ARHGAP28: variants seen among roughly 807,000 people sequenced by gnomAD.
ARHGAP28 encodes the protein Rho GTPase activating protein 28.
A neutral mutation model predicts 90.7 loss-of-function variants in ARHGAP28; 56 were observed. The ratio of observed to expected loss-of-function variants is 0.62; its 90% CI spans 0.50 to 0.77. The LOEUF is 0.77. Ranked by LOEUF, ARHGAP28 falls within the 30% of genes least tolerant of loss-of-function variation. ARHGAP28 has a pLI of 0.00. For missense variants in ARHGAP28, 869 were observed against 900.9 expected, an observed-to-expected ratio of 0.96 and a Z score of 0.45; for synonymous variants, 308 against 323.3, an observed-to-expected ratio of 0.95 and a Z score of 0.51.
At chr18:6,816,376 C>A (rs1189409544) in intron 1 of ARHGAP28, among the ~76,000 whole-genome samples, 2 of 152,162 alleles carry the variant, frequency 1.3e-5, no homozygotes, top group African/African-American at 4.8e-5. Flanking sequence ...TCTGAACGGC[C>A]TTCTGAGGAA....
intron 1 of ARHGAP28, among the ~76,000 whole-genome samples, chr18:6,740,327 T>G (rs946221390): frequency 6.6e-6 from 1 of 152,210 alleles, no homozygotes; most frequent in Non-Finnish European, 1.5e-5. Flanking sequence ...AGTTCTGTTC[T>G]AAATCGTGCT....
At chr18:6,868,076 TAAGTC>T in intron 5 of ARHGAP28, 69 bp from the exon 6 acceptor site, 4 of 1,263,206 alleles carry the variant, frequency 3.2e-6, no homozygotes, top group South Asian at 1.2e-5. Context: ...CTGCAGAACA[TAAGTC>T]AGGCTGAAAT....
In ARHGAP28 at chr18:6,912,152, T is replaced by C; in HGVS notation, c.2188T>C (p.Ter730GlnextTer28). 1 of 1,565,024 alleles carries C rather than the reference T, an allele frequency of 6.4e-7. No homozygotes were observed. The highest frequency in any genetic ancestry group is 8.8e-7 in the Non-Finnish European group (1 of 1,139,290). ...GGTGATTAAACCCCAACAAAGTTCT[T>C]AAAATATCCTCGAGAGAGCTGCTAT... ...EWVIKPQQSS* is the reference protein window; with the variant it reads ...EWVIKPQQSSQ The change falls in exon 18 of 18, where the codon TAA (stop) becomes CAA (glutamine). Residue 730 changes from the stop codon to glutamine (Q), a stop_lost. Transcript: ENST00000383472.
In ARHGAP28 at chr18:6,912,116, C is replaced by G. The variant is rs1304589949; in HGVS notation, c.2152C>G (p.Gln718Glu). ...YILDVYRINP[Q>E]AEWVIKPQQS... ...ATTGGATGTATATCGTATAAATCCT[C>G]AAGCAGAATGGGTGATTAAACCCCA... is the stretch of plus-strand genomic sequence containing the variant. Residue 718 changes from glutamine (Q) to glutamate (E), a missense_variant, in exon 18 of 18, where the codon CAA (glutamine) becomes GAA (glutamate). Coordinates refer to ENST00000383472, the MANE Select transcript of ARHGAP28 (RefSeq NM_001366230.1). 2 of 1,608,816 alleles carry G rather than the reference C, an allele frequency of 1.2e-6. No individual in the cohort carries two copies. The highest frequency in any genetic ancestry group is 2.7e-5 in the African/African-American group (2 of 74,796).
rs767966205 is a variant in ARHGAP28 at position 6,873,653 on chromosome 18, T to C, written c.1121-31T>C. The C allele has an allele frequency of 4.4e-6, 7 of 1,607,846 alleles. No individual in the cohort carries two copies. The Admixed American group carries it at 6.8e-5, about 16-fold the overall frequency. ...AGATAATGCTTTTCTAATTCTTTTT[T>C]TTTTTCCCCCTTTACTGTCTCACAA... On this transcript the variant is annotated intron_variant, in intron 8 of 17. Coordinates refer to ENST00000383472, the MANE Select transcript of ARHGAP28 (RefSeq NM_001366230.1).
At chr18:6,783,377 C>T (rs958876163) in intron 1 of ARHGAP28, among the ~76,000 whole-genome samples, 8 of 151,692 alleles carry the variant, frequency 5.3e-5, no homozygotes, top group African/African-American at 1.9e-4. Context: ...TCTCAGCTCA[C>T]TGCAACCTCT....
intron 3 of ARHGAP28, among the ~76,000 whole-genome samples, chr18:6,849,252 C>CAAAAAA (rs35080791): frequency 8.4e-4 from 74 of 88,220 alleles, no homozygotes; most frequent in Non-Finnish European, 7.8e-4. Context: ...GACCTTGTCT[C>CAAAAAA]AAAAAAAAAA....
intron 1 of ARHGAP28, among the ~76,000 whole-genome samples, chr18:6,817,302 G>A (rs1177788938): frequency 1.3e-5 from 2 of 151,198 alleles, no homozygotes; most frequent in African/African-American, 2.4e-5. Flanking sequence ...CTGAGCTACA[G>A]AGCAAGACTC....
rs781722226 is a variant in ARHGAP28, at chr18:6,912,124, A to G, written c.2160A>G (p.Glu720=). The change falls in exon 18 of 18, where the codon GAA becomes GAG. Residue 720 remains glutamate, a synonymous_variant. Transcript: ENST00000383472. The part of the protein sequence containing the change: ...LDVYRINPQA[E]WVIKPQQSS ...TATATCGTATAAATCCTCAAGCAGA[A>G]TGGGTGATTAAACCCCAACAAAGTT... is the stretch of plus-strand genomic sequence containing the variant. The G allele has an allele frequency of 2.5e-6, 4 of 1,608,122 alleles. No homozygotes were observed. The highest frequency in any genetic ancestry group is 3.4e-6 in the Non-Finnish European group (4 of 1,175,762).
At chr18:6,849,776 G>T (rs1176255493) in intron 3 of ARHGAP28, among the ~76,000 whole-genome samples, 1 of 151,982 alleles carries the variant, frequency 6.6e-6, no homozygotes, top group Non-Finnish European at 1.5e-5. Context: ...AACCTTGTAG[G>T]TGTATTTTTA....
intron 3 of ARHGAP28, among the ~76,000 whole-genome samples, chr18:6,840,679 C>A (rs970335354): frequency 6.6e-6 from 1 of 152,120 alleles, no homozygotes; most frequent in East Asian, 1.9e-4. Context: ...TCTTTCCTCC[C>A]AGTCCTGCTG....
chr18:6,813,468 A>G (rs1428860588), intron 1 of ARHGAP28, among the ~76,000 whole-genome samples: 1 of 152,188 alleles, frequency 6.6e-6, no homozygotes, highest in East Asian at 1.9e-4. Context: ...TTAAACATCC[A>G]TATATTTTAT....
rs778622955 is a variant in ARHGAP28 at position 6,837,421 on chromosome 18, A to G, written c.543+7A>G. The G allele has an allele frequency of 1.9e-6, 3 of 1,607,738 alleles. No homozygotes were observed. In the Admixed American group the frequency reaches 5.0e-5, roughly 27 times the overall value. On this transcript the variant is annotated splice_region_variant and intron_variant, in intron 3 of 17. Transcript: ENST00000383472. ...TGGAGTCAGTGAATCTCCTGTAAGT[A>G]ATGGCTCAAACATGGCTCAAAAGGC...
chr18:6,880,547 G>A (rs1489942353), intron 10 of ARHGAP28, among the ~76,000 whole-genome samples: 1 of 152,188 alleles, frequency 6.6e-6, no homozygotes, highest in African/African-American at 2.4e-5. Context: ...ATTGCCTACA[G>A]CGTGAAGGCT....
chr18:6,828,325 T>G (rs2143806057), intron 2 of ARHGAP28, among the ~76,000 whole-genome samples: 1 of 151,938 alleles, frequency 6.6e-6, no homozygotes, highest in Non-Finnish European at 1.5e-5. Flanking sequence ...CGGCTCGGCA[T>G]CAGAGGGAGA....
chr18:6,731,440 T>C (rs2055881700), intron 1 of ARHGAP28, among the ~76,000 whole-genome samples: 1 of 152,164 alleles, frequency 6.6e-6, no homozygotes, highest in African/African-American at 2.4e-5. Flanking sequence ...AATTTGAAAC[T>C]ACATCCTTTT....
At chr18:6,750,240 T>C (rs978407317) in intron 1 of ARHGAP28, among the ~76,000 whole-genome samples, 1 of 152,192 alleles carries the variant, frequency 6.6e-6, no homozygotes, top group Non-Finnish European at 1.5e-5. Context: ...ATTTTACAGA[T>C]TTAGAAACTG....
chr18:6,882,595 C>T (rs1175646829), intron 11 of ARHGAP28, among the ~76,000 whole-genome samples: 1 of 152,178 alleles, frequency 6.6e-6, no homozygotes, highest in African/African-American at 2.4e-5. Context: ...TTCTGAGCCT[C>T]AGTTACTACA....
intron 14 of ARHGAP28, among the ~76,000 whole-genome samples, chr18:6,893,698 G>GGT (rs1030404906): frequency 9.1e-4 from 138 of 151,404 alleles, no homozygotes; most frequent in African/African-American, 2.4e-3. Flanking sequence ...ATGGACTCAC[G>GGT]GTGTGTGTGT....
Sources: gnomAD v4.1 joint callset for allele counts (sites outside exome capture counted in the v4.1 genomes callset) on GRCh38, gnomAD v4.1.1 for gene constraint, MANE v1.5 for transcripts, NCBI Gene and HGNC (gene_info 2026-07-23, HGNC 2026-07-21) for gene names.